The following RIN2 variants were observed in gnomAD, a reference collection of about 807,000 sequenced individuals.
RIN2 encodes RAB5 interacting protein 2.
Under a neutral mutation model 78.0 loss-of-function variants are expected in RIN2, and 36 were observed. The observed-to-expected ratio is 0.46, with a 90% CI of 0.35 to 0.61. The LOEUF (loss-of-function observed/expected upper bound fraction) is 0.61, where lower values mean the gene tolerates loss of function less well. RIN2 is among the 20% of genes least tolerant of loss of function. The pLI, the probability that RIN2 is intolerant of heterozygous loss-of-function variation, is 0.00. For missense variants in RIN2, 1,087 were observed against 1,159.7 expected, an observed-to-expected ratio of 0.94 and a Z score of 0.91; for synonymous variants, 466 against 466.8, an observed-to-expected ratio of 1.00 and a Z score of 0.02.
chr20:19,978,205 G>A (rs2042342764), intron 9 of RIN2, among the ~76,000 whole-genome samples: 1 of 152,128 alleles, frequency 6.6e-6, no homozygotes, highest in Non-Finnish European at 1.5e-5. Context: ...AGCTTCTGAA[G>A]AAGATAGCTC....
intron 3 of RIN2, among the ~76,000 whole-genome samples, chr20:19,907,988 C>G: frequency 6.6e-6 from 1 of 152,160 alleles, no homozygotes; most frequent in South Asian, 2.1e-4. Context: ...AAGAAGGCCC[C>G]TCCTTAAGGG....
At chr20:19,888,715 G>A (rs1482218219) in intron 2 of RIN2, among the ~76,000 whole-genome samples, 1 of 152,246 alleles carries the variant, frequency 6.6e-6, no homozygotes, top group Non-Finnish European at 1.5e-5. Context: ...CACTGGGTAA[G>A]GAAGGGTTTG....
chr20:19,975,749 A>ACC lies in RIN2; in HGVS notation c.1730_1731dup (p.Ile578ProfsTer5). 1 of 1,610,316 alleles carries ACC rather than the reference A, an allele frequency of 6.2e-7. No individual in the cohort carries two copies. On this transcript the variant is annotated frameshift_variant, in exon 9 of 13. Transcript: ENST00000255006. LOFTEE classifies it high-confidence loss of function. The surrounding 1 kb of genome is among the most constrained non-coding windows in gnomAD (Gnocchi z 4.9). ...TATTTGTCTCAGAGCTCGGAGCTGG[A>ACC]CCCCCCCATCGAGTCGCTGATCCCT... is the stretch of plus-strand genomic sequence containing the variant.
chr20:19,937,680 T>C (rs559018742), intron 4 of RIN2, among the ~76,000 whole-genome samples: 7 of 152,328 alleles, frequency 4.6e-5, no homozygotes, highest in African/African-American at 1.7e-4. Context: ...AAATAACATA[T>C]ATAGGATGTC....
intron 3 of RIN2, among the ~76,000 whole-genome samples, chr20:19,920,987 G>GATTT (rs2039892229): frequency 2.7e-5 from 2 of 73,258 alleles, no homozygotes; most frequent in Admixed American, 1.4e-4. Flanking sequence ...CAGTTTTTTG[G>GATTT]GTTGTTTGTT....
At chr20:19,917,327 A>C (rs1302539582) in intron 3 of RIN2, among the ~76,000 whole-genome samples, 4 of 152,232 alleles carry the variant, frequency 2.6e-5, no homozygotes, top group African/African-American at 9.6e-5. Flanking sequence ...ACCTGTCCAG[A>C]GTACTAAATG....
intron 2 of RIN2, among the ~76,000 whole-genome samples, chr20:19,825,511 C>G (rs1457532706): frequency 6.6e-6 from 1 of 152,208 alleles, no homozygotes; most frequent in African/African-American, 2.4e-5. Context: ...TCAGCTAGGC[C>G]TTTTGTGGCC....
Position 19,990,227 on chromosome 20 carries a change from C to A in RIN2, c.1984C>A (p.Gln662Lys), listed in dbSNP as rs1337324527. 6.2e-7 allele frequency: 1 copy of A among 1,612,994 alleles called. No homozygotes were observed. The highest frequency in any genetic ancestry group is 8.5e-7 in the Non-Finnish European group (1 of 1,179,628). Residue 662 changes from glutamine to lysine, a missense_variant, in exon 10 of 13, where the codon CAG becomes AAG. Coordinates refer to ENST00000255006, the MANE Select transcript of RIN2 (RefSeq NM_018993.4). ...EKIKVKFMTM[Q>K]KMYSPEKKVM... ...AATCAAAGTCAAGTTCATGACCATGCAGAAGATGTATTCGCCGGAAAAGAA... is the reference window on the plus strand; with the variant it reads ...AATCAAAGTCAAGTTCATGACCATGAAGAAGATGTATTCGCCGGAAAAGAA...
intron 1 of RIN2, among the ~76,000 whole-genome samples, chr20:19,795,373 G>A (rs1185116828): frequency 6.6e-6 from 1 of 152,146 alleles, no homozygotes. Flanking sequence ...GGGTTTGGCT[G>A]TTTATTGTAG....
chr20:19,841,419 G>A (rs1380227072), intron 2 of RIN2, among the ~76,000 whole-genome samples: 2 of 152,034 alleles, frequency 1.3e-5, no homozygotes, highest in Non-Finnish European at 2.9e-5. Context: ...AACAAACGCA[G>A]CCCCATAGAT....
intron 3 of RIN2, among the ~76,000 whole-genome samples, chr20:19,894,570 C>T (rs923413614): frequency 2.0e-5 from 3 of 152,174 alleles, no homozygotes; most frequent in African/African-American, 7.2e-5. Context: ...CTTCATGTCT[C>T]CAAAGTCCTT....
At chr20:19,783,718 C>T in intron 1 of RIN2, among the ~76,000 whole-genome samples, 1 of 152,144 alleles carries the variant, frequency 6.6e-6, no homozygotes, top group East Asian at 1.9e-4. Context: ...TAATTTACCC[C>T]ATGGACAGCT....
chr20:19,812,333 A>G (rs2035630513), intron 2 of RIN2, among the ~76,000 whole-genome samples: 1 of 152,130 alleles, frequency 6.6e-6, no homozygotes, highest in Non-Finnish European at 1.5e-5. Context: ...GTTCCCATCA[A>G]CTATGTATGG....
intron 3 of RIN2, among the ~76,000 whole-genome samples, chr20:19,922,402 G>GC (rs2039960772): frequency 6.6e-6 from 1 of 152,114 alleles, no homozygotes; most frequent in Non-Finnish European, 1.5e-5. Context: ...GGTGTGAGAG[G>GC]CCCCCTCTGG....
At chr20:19,802,349 G>T (rs572940812) in intron 2 of RIN2, among the ~76,000 whole-genome samples, 50 of 152,146 alleles carry the variant, frequency 3.3e-4, no homozygotes, top group African/African-American at 1.2e-3. Context: ...ACCAGGTATG[G>T]CCAGGCCAGG....
rs554399268 is a variant in RIN2 at position 19,964,698 on chromosome 20, CGA to C, written c.464-252_464-251del. ...TAAAAAAAAAGACAGTTGTGCAACT[CGA>C]GTCTGTCCTGGTCTGTTTACCAAGC... On this transcript the variant is annotated intron_variant, in intron 6 of 12. Transcript: ENST00000255006. 1.5e-4 allele frequency among the ~76,000 whole-genome samples: 23 copies of C among 152,282 alleles called. 1 individual carries two copies. In the South Asian group the frequency reaches 4.4e-3, roughly 29 times the overall value.
chr20:19,939,205 G>A (rs1343222590), intron 4 of RIN2, among the ~76,000 whole-genome samples: 2 of 152,104 alleles, frequency 1.3e-5, no homozygotes, highest in Non-Finnish European at 2.9e-5. Context: ...GTGCCAAAAT[G>A]CCTGGCTAAT....
At chr20:19,940,979 T>G (rs1433442959) in intron 4 of RIN2, among the ~76,000 whole-genome samples, 1 of 152,186 alleles carries the variant, frequency 6.6e-6, no homozygotes, top group Non-Finnish European at 1.5e-5. Flanking sequence ...GAACTGCAGC[T>G]CATCCCTTCC....
intron 1 of RIN2, among the ~76,000 whole-genome samples, chr20:19,770,096 GTAT>G (rs1479343505): frequency 6.6e-6 from 1 of 152,184 alleles, no homozygotes; most frequent in African/African-American, 2.4e-5. Context: ...TGTAATGAAG[GTAT>G]GAAAGGCTCC....
Sources: gnomAD v4.1 joint callset for allele counts (sites outside exome capture counted in the v4.1 genomes callset) on GRCh38, gnomAD v4.1.1 for gene constraint, Gnocchi (gnomAD v3.1) non-coding constraint, MANE v1.5 for transcripts, NCBI Gene and HGNC (gene_info 2026-07-23, HGNC 2026-07-21) for gene names.